The following LRP1B variants were observed in gnomAD, a reference collection of about 807,000 sequenced individuals.
The protein encoded by LRP1B is LDL receptor related protein 1B, also known as low-density lipoprotein receptor-related protein 1B.
LRP1B carries 217 observed loss-of-function variants against 556.6 expected under a neutral mutation model. The ratio of observed to expected loss-of-function variants is 0.39; its 90% confidence interval spans 0.35 to 0.44. LRP1B has a LOEUF of 0.44. Ranked by LOEUF, LRP1B falls within the 20% of genes least tolerant of loss-of-function variation. The pLI, the probability that LRP1B is intolerant of heterozygous loss-of-function variation, is 1.00. For missense variants in LRP1B, 5,053 were observed against 5,620.8 expected, an observed-to-expected ratio of 0.90 and a Z score of 3.23; for synonymous variants, 2,047 against 1,865.8, an observed-to-expected ratio of 1.10 and a Z score of -2.50.
intron 45 of LRP1B, 140 bp from the exon 46 acceptor site, chr2:140,536,849 T>C: frequency 1.4e-6 from 1 of 707,120 alleles, no homozygotes; most frequent in Non-Finnish European, 2.2e-6. Context: ...CAATGGTTTA[T>C]GACATTTCTT....
At chr2:141,517,667 A>G (rs547341637) in intron 2 of LRP1B, among the ~76,000 whole-genome samples, 3 of 152,322 alleles carry the variant, frequency 2.0e-5, no homozygotes, top group South Asian at 2.1e-4. Context: ...GTTTAAAAGA[A>G]AAGTCCAGAC....
rs571818207 is a variant in LRP1B, at chr2:141,080,617, T to C, written c.1014-18344A>G. 7.5e-4 allele frequency among the ~76,000 whole-genome samples: 115 copies of C among 152,328 alleles called. 2 individuals carry two copies. Among genetic ancestry groups the C allele is most frequent in the Admixed American group, 1.1e-3 (17 of 15,294 alleles). On this transcript the variant is annotated intron_variant, in intron 7 of 90. Transcript: ENST00000389484. ...AATACTTATTGAGCATCCATTTTGT[T>C]AGGCACTGTACATGTCAGGCTTGGT... is the stretch of plus-strand genomic sequence containing the variant.
rs529185027 is a variant in LRP1B at position 140,905,759 on chromosome 2, C to T, written c.3520+2118G>A. 3.5e-3 allele frequency among the ~76,000 whole-genome samples: 532 copies of T among 152,176 alleles called. 3 individuals are homozygous for T. Among genetic ancestry groups the T allele is most frequent in the Non-Finnish European group, 5.4e-3 (370 of 68,010 alleles). ...CAGTTTTTAGTTTCATGAAGTTGAG[C>T]TCAGTTCACAGTGGACTATCACAAG... On this transcript the variant is annotated intron_variant, in intron 22 of 90. Coordinates refer to ENST00000389484, the MANE Select transcript of LRP1B (RefSeq NM_018557.3).
chr2:141,028,983 T>C (rs969692417), intron 11 of LRP1B, among the ~76,000 whole-genome samples: 2 of 152,022 alleles, frequency 1.3e-5, no homozygotes, highest in African/African-American at 2.4e-5. Context: ...AGTAATTTTA[T>C]TGGGCTGGCC....
intron 66 of LRP1B, among the ~76,000 whole-genome samples, chr2:140,434,126 G>A (rs947026993): frequency 1.3e-5 from 2 of 151,820 alleles, no homozygotes; most frequent in Non-Finnish European, 2.9e-5. Flanking sequence ...CTGGAGTGTA[G>A]TGGTGCGATC....
chr2:140,541,900 G>C lies in LRP1B; in HGVS notation c.7266C>G (p.Asp2422Glu), dbSNP rs2105020779. The change falls in exon 44 of 91, where the codon GAC becomes GAG. Residue 2422 changes from aspartate to glutamate, a missense_variant. This residue lies in a region of LRP1B where 3,619 missense variants were observed against 3,931.9 expected (regional missense o/e 0.92). Transcript: ENST00000389484. ...AVYDNYIFWS[D>E]WGRRAILRSN... ...ACCGCAGTATAGCTCTTCTTCCCCA[G>C]TCCGACCAGAATATATAATTGTCAT... 6.2e-7 allele frequency: 1 copy of C among 1,612,584 alleles called. No individual in the cohort carries two copies. Among genetic ancestry groups the C allele is most frequent in the Non-Finnish European group, 8.5e-7 (1 of 1,179,084 alleles).
intron 7 of LRP1B, among the ~76,000 whole-genome samples, chr2:141,134,649 A>G (rs28415615): frequency 0.39 from 59,122 of 151,168 alleles, 13,130 homozygotes; most frequent in African/African-American, 0.61. Flanking sequence ...TACATAGTAC[A>G]TTGCCAACAG....
intron 2 of LRP1B, among the ~76,000 whole-genome samples, chr2:141,557,832 C>T (rs1401024255): frequency 1.3e-5 from 2 of 151,844 alleles, no homozygotes; most frequent in Admixed American, 6.6e-5. Context: ...TATACCATAA[C>T]TAATATGTAA....
At position 140,613,444 on chromosome 2, in the gene LRP1B, A is replaced by AAT. The variant is rs200380240; in HGVS notation, c.6800-11807_6800-11806dup. On this transcript the variant is annotated intron_variant, in intron 41 of 90. Transcript: ENST00000389484. ...ATATATATATAATTATATACATATAAATATATATATATCTCCTCCTACTTC... is the reference window on the plus strand; with the variant it reads ...ATATATATATAATTATATACATATAAATATATATATATATCTCCTCCTACTTC... Among the ~76,000 whole-genome samples, 352 of 145,360 alleles carry AAT rather than the reference A, an allele frequency of 2.4e-3. 1 individual carries two copies. The highest frequency in any genetic ancestry group is 4.3e-3 in the Non-Finnish European group (287 of 66,688).
Position 142,109,917 on chromosome 2 carries a change from G to A in LRP1B, c.82+20731C>T, listed in dbSNP as rs147005414. ...CCCCTTACCTGAAGAGAAAATAATA[G>A]CATCAGCAAAGTACAGTGTCAACAT... On this transcript the variant is annotated intron_variant, in intron 1 of 90. Transcript: ENST00000389484. 7.4e-4 allele frequency among the ~76,000 whole-genome samples: 113 copies of A among 152,196 alleles called. 1 individual carries two copies. The highest frequency in any genetic ancestry group is 2.6e-3 in the African/African-American group (109 of 41,546).
intron 33 of LRP1B, among the ~76,000 whole-genome samples, chr2:140,772,307 G>GTA (rs1275107040): frequency 7.2e-6 from 1 of 138,212 alleles, no homozygotes; most frequent in African/African-American, 2.5e-5. Flanking sequence ...ATATTTGTAT[G>GTA]TATGTATATA....
At chr2:142,042,533 A>G (rs1704098792) in intron 1 of LRP1B, among the ~76,000 whole-genome samples, 1 of 151,618 alleles carries the variant, frequency 6.6e-6, no homozygotes, top group Middle Eastern at 3.4e-3. Flanking sequence ...TGTCCCAGGT[A>G]GTTCTGAATT....
intron 1 of LRP1B, among the ~76,000 whole-genome samples, chr2:141,852,714 T>G (rs991229158): frequency 6.6e-6 from 1 of 151,706 alleles, no homozygotes; most frequent in South Asian, 2.1e-4. Context: ...TTTGTTTTGT[T>G]GATCCAGCTA....
At chr2:141,997,802 T>A (rs1487228213) in intron 1 of LRP1B, among the ~76,000 whole-genome samples, 1 of 152,052 alleles carries the variant, frequency 6.6e-6, no homozygotes, top group African/African-American at 2.4e-5. Context: ...CTGTGCTGCA[T>A]AAGGGACCTA....
chr2:141,588,513 C>T (rs1276047984), intron 2 of LRP1B, among the ~76,000 whole-genome samples: 2 of 152,230 alleles, frequency 1.3e-5, no homozygotes, highest in East Asian at 3.9e-4. Context: ...TAACAACTAG[C>T]AAACATTTAC....
At chr2:141,358,783 A>G (rs560287966) in intron 3 of LRP1B, among the ~76,000 whole-genome samples, 10 of 152,350 alleles carry the variant, frequency 6.6e-5, no homozygotes, top group East Asian at 5.8e-4. Flanking sequence ...ATGCTTTGAT[A>G]GAGATGATAG....
intron 86 of LRP1B, among the ~76,000 whole-genome samples, chr2:140,255,906 C>T (rs1051976645): frequency 1.3e-5 from 2 of 152,068 alleles, no homozygotes; most frequent in Non-Finnish European, 2.9e-5. Context: ...TTCCTTCTTT[C>T]TTTCATTCAC....
intron 11 of LRP1B, among the ~76,000 whole-genome samples, chr2:141,046,282 C>T (rs1480605073): frequency 1.3e-5 from 2 of 152,126 alleles, no homozygotes; most frequent in Admixed American, 6.6e-5. Context: ...ATGTGTCAAA[C>T]TAAGCATTGC....
chr2:140,532,862 A>G (rs1233961979), intron 47 of LRP1B, among the ~76,000 whole-genome samples: 2 of 148,598 alleles, frequency 1.3e-5, no homozygotes, highest in Non-Finnish European at 3.0e-5. Flanking sequence ...GAAACCTTTG[A>G]GGATACTTGC....
Sources: allele counts gnomAD v4.1 joint callset (sites outside exome capture counted in the v4.1 genomes callset), GRCh38; gene constraint gnomAD v4.1.1; regional missense constraint gnomAD v4.1.1; transcripts MANE v1.5; gene names NCBI Gene and HGNC (gene_info 2026-07-23, HGNC 2026-07-21).